The following WWOX variants were observed in gnomAD, a reference collection of about 807,000 sequenced individuals.
WWOX encodes the protein WW domain-containing oxidoreductase.
WWOX carries 69 observed loss-of-function variants against 46.2 expected under a neutral mutation model. The observed-to-expected ratio is 1.49, with a 90% CI of 1.23 to 1.82. The LOEUF is 1.82. Ranked by LOEUF, WWOX falls within the 40% of genes most tolerant of loss-of-function variation. The pLI, the probability that WWOX is intolerant of heterozygous loss-of-function variation, is 0.00. For missense variants in WWOX, 919 were observed against 542.6 expected, an observed-to-expected ratio of 1.69 and a Z score of -6.89; for synonymous variants, 359 against 202.6, an observed-to-expected ratio of 1.77 and a Z score of -6.56.
intron 8 of WWOX, among the ~76,000 whole-genome samples, chr16:78,654,273 T>C (rs369448539): frequency 2.6e-4 from 39 of 152,318 alleles, no homozygotes; most frequent in African/African-American, 8.9e-4. Flanking sequence ...GAAGTCAGCT[T>C]AGTGATATGA....
chr16:78,374,870 G>C (rs867029644), intron 5 of WWOX, among the ~76,000 whole-genome samples: 1 of 151,892 alleles, frequency 6.6e-6, no homozygotes, highest in African/African-American at 2.4e-5. Flanking sequence ...ATTTTTAGTA[G>C]AGACGGGTTT....
chr16:78,648,010 T>C (rs1567462143), intron 8 of WWOX, among the ~76,000 whole-genome samples: 2 of 152,224 alleles, frequency 1.3e-5, no homozygotes, highest in African/African-American at 2.4e-5. Context: ...CATTATTCAT[T>C]TGGCTTCTTG....
At chr16:78,881,189 G>C (rs1312265203) in intron 8 of WWOX, among the ~76,000 whole-genome samples, 1 of 151,802 alleles carries the variant, frequency 6.6e-6, no homozygotes, top group Non-Finnish European at 1.5e-5. Flanking sequence ...TTTTGGTACA[G>C]ATGGGATTTT....
intron 8 of WWOX, among the ~76,000 whole-genome samples, chr16:78,568,878 G>A (rs191578080): frequency 6.6e-6 from 1 of 152,130 alleles, no homozygotes; most frequent in Non-Finnish European, 1.5e-5. Flanking sequence ...CACGTTTTAC[G>A]GGCTATCAGT....
chr16:78,146,374 C>A (rs1181712705), intron 4 of WWOX, among the ~76,000 whole-genome samples: 1 of 152,212 alleles, frequency 6.6e-6, no homozygotes. Context: ...TGTTGGGGAT[C>A]CTACCAAGAC....
chr16:79,200,515 C>T (rs1037067597), intron 8 of WWOX, among the ~76,000 whole-genome samples: 3 of 152,164 alleles, frequency 2.0e-5, no homozygotes, highest in African/African-American at 7.2e-5. Flanking sequence ...TCTGTCTCCC[C>T]TCCACTACAA....
At chr16:79,150,957 C>T (rs1000494713) in intron 8 of WWOX, among the ~76,000 whole-genome samples, 12 of 152,162 alleles carry the variant, frequency 7.9e-5, no homozygotes, top group African/African-American at 2.9e-4. Context: ...CTAGTTTATT[C>T]TAGGCTCTTT....
chr16:79,199,733 G>A (rs1484924060), intron 8 of WWOX, among the ~76,000 whole-genome samples: 2 of 152,136 alleles, frequency 1.3e-5, no homozygotes, highest in African/African-American at 4.8e-5. Context: ...AGGGTGTACT[G>A]GTAGAGGACA....
chr16:78,599,695 C>T (rs753820438), intron 8 of WWOX, among the ~76,000 whole-genome samples: 7 of 152,156 alleles, frequency 4.6e-5, no homozygotes, highest in Middle Eastern at 3.2e-3. Flanking sequence ...AAGGGACATC[C>T]ACAGATGCCT....
chr16:78,569,072 G>C (rs1380029796), intron 8 of WWOX, among the ~76,000 whole-genome samples: 2 of 152,132 alleles, frequency 1.3e-5, no homozygotes, highest in Non-Finnish European at 2.9e-5. Flanking sequence ...CTCATTACAG[G>C]CCACTCTGTC....
intron 8 of WWOX, among the ~76,000 whole-genome samples, chr16:78,582,095 T>G (rs959607355): frequency 6.6e-6 from 1 of 152,226 alleles, no homozygotes; most frequent in African/African-American, 2.4e-5. Flanking sequence ...TTGGTTTCTC[T>G]GCTCTATAAT....
At chr16:79,084,219 G>A (rs1306469992) in intron 8 of WWOX, among the ~76,000 whole-genome samples, 1 of 152,150 alleles carries the variant, frequency 6.6e-6, no homozygotes, top group African/African-American at 2.4e-5. Flanking sequence ...ATTTGCAAAT[G>A]CATTTCTTGT....
intron 8 of WWOX, among the ~76,000 whole-genome samples, chr16:79,067,430 A>G (rs566228237): frequency 1.3e-5 from 2 of 152,074 alleles, no homozygotes; most frequent in South Asian, 4.2e-4. Context: ...AAACTTTATG[A>G]AAACTCCACG....
chr16:78,691,097 G>C (rs2142265262), intron 8 of WWOX: 1 of 610,752 alleles, frequency 1.6e-6, no homozygotes, highest in Admixed American at 2.9e-5. Context: ...TTGAAAGTAA[G>C]AGTGCTTTGA....
chr16:78,453,959 G>T (rs1378394777), intron 8 of WWOX, among the ~76,000 whole-genome samples: 1 of 152,090 alleles, frequency 6.6e-6, no homozygotes, highest in Non-Finnish European at 1.5e-5. Context: ...TGTAGATTGG[G>T]CAGATCTGGA....
intron 8 of WWOX, among the ~76,000 whole-genome samples, chr16:78,464,552 A>T (rs1775949532): frequency 1.3e-5 from 2 of 152,138 alleles, no homozygotes; most frequent in Admixed American, 1.3e-4. Context: ...ACGATCCTTC[A>T]AGGGATCCTT....
At chr16:78,837,405 C>G (rs778776160) in intron 8 of WWOX, among the ~76,000 whole-genome samples, 2 of 152,146 alleles carry the variant, frequency 1.3e-5, no homozygotes, top group Non-Finnish European at 2.9e-5. Flanking sequence ...GATATTGCAT[C>G]AAGGCAATTC....
chr16:78,162,579 CACAT>C (rs1437116722), intron 4 of WWOX, among the ~76,000 whole-genome samples: 1 of 152,052 alleles, frequency 6.6e-6, no homozygotes, highest in African/African-American at 2.4e-5. Flanking sequence ...TACATGTCAA[CACAT>C]ACACATACAT....
At chr16:78,454,542 G>C (rs1255247193) in intron 8 of WWOX, among the ~76,000 whole-genome samples, 2 of 152,040 alleles carry the variant, frequency 1.3e-5, no homozygotes, top group Non-Finnish European at 2.9e-5. Flanking sequence ...TTTCACTTTT[G>C]TTGCCCAGGC....
Sources: gnomAD v4.1 joint callset for allele counts (sites outside exome capture counted in the v4.1 genomes callset) on GRCh38, gnomAD v4.1.1 for gene constraint, MANE v1.5 for transcripts, NCBI Gene and HGNC (gene_info 2026-07-23, HGNC 2026-07-21) for gene names.